ANKFY1: variants seen among roughly 807,000 people sequenced by gnomAD.
The protein encoded by ANKFY1 is ankyrin repeat and FYVE domain-containing protein 1.
A neutral mutation model predicts 128.3 loss-of-function variants in ANKFY1; 47 were observed. The observed-to-expected ratio is 0.37, with a 90% CI of 0.29 to 0.47. The LOEUF (loss-of-function observed/expected upper bound fraction) is 0.47. Ranked by LOEUF, ANKFY1 falls within the 20% of genes least tolerant of loss-of-function variation. ANKFY1 has a pLI of 1.00. For missense variants in ANKFY1, 1,222 were observed against 1,510.6 expected, an observed-to-expected ratio of 0.81 and a Z score of 3.17; for synonymous variants, 553 against 601.6, an observed-to-expected ratio of 0.92 and a Z score of 1.18.
chr17:4,261,283 G>A (rs1050869416), intron 1 of ANKFY1, among the ~76,000 whole-genome samples: 55 of 152,366 alleles, frequency 3.6e-4, no homozygotes, highest in African/African-American at 1.3e-3. Flanking sequence ...GAGGTTGGGA[G>A]TTCAAGACCA....
intron 8 of ANKFY1, among the ~76,000 whole-genome samples, chr17:4,196,144 T>C (rs1220651880): frequency 1.2e-5 from 1 of 83,914 alleles, no homozygotes; most frequent in African/African-American, 5.1e-5. Context: ...CTGCATCTAC[T>C]ACACACACAC....
rs1032720489 is a variant in ANKFY1, at chr17:4,173,270, G to C, written c.3014+84C>G. The C allele has an allele frequency of 3.0e-6, 4 of 1,353,422 alleles. No homozygotes were observed. The African/African-American group carries it at 5.8e-5, about 20-fold the overall frequency. The allele number at this position is 1,353,422 out of a possible 1,614,324, so 83.8% of individuals were successfully genotyped here. ...GCGGCCGGTTTTGCAGCTCCTCCCT[G>C]GGGCTGATGGGAGGCACCAGCAACC... On this transcript the variant is annotated intron_variant, in intron 21 of 24. Transcript: ENST00000341657.
intron 19 of ANKFY1, 87 bp from the exon 20 acceptor site, chr17:4,174,143 AC>A (rs2059372954): frequency 2.7e-6 from 4 of 1,495,782 alleles, no homozygotes; most frequent in Middle Eastern, 2.3e-4. Context: ...GTCTTCTGAC[AC>A]CCACAGAGGC....
At chr17:4,189,909 A>G (rs1049970688) in intron 10 of ANKFY1, among the ~76,000 whole-genome samples, 5 of 152,222 alleles carry the variant, frequency 3.3e-5, no homozygotes, top group Non-Finnish European at 7.3e-5. Flanking sequence ...CTGTGTGTGG[A>G]CACAGAGGCT....
intron 5 of ANKFY1, among the ~76,000 whole-genome samples, chr17:4,209,059 C>CA (rs60135844): frequency 0.014 from 2,000 of 147,378 alleles, 50 homozygotes; most frequent in African/African-American, 0.047. Flanking sequence ...AACTCAGTCT[C>CA]AAAAAAAAAA....
At chr17:4,176,535 C>T (rs2059414393) in intron 19 of ANKFY1, among the ~76,000 whole-genome samples, 1 of 152,208 alleles carries the variant, frequency 6.6e-6, no homozygotes, top group Admixed American at 6.5e-5. Flanking sequence ...GCCCCTCTAA[C>T]CACAGCTCTT....
rs558520617 is a variant in ANKFY1, at chr17:4,178,611, C to T, written c.2598+246G>A. ...AACTGTACATGCCACAGAATTCCTA[C>T]GATGGAGCCCACTGCCTCCGCTTCC... is the stretch of plus-strand genomic sequence containing the variant. On this transcript the variant is annotated intron_variant, in intron 18 of 24. Transcript: ENST00000341657. This position sits in a 1 kb window ranked among gnomAD's most constrained non-coding sequence, Gnocchi z 4.1. The T allele has an allele frequency of 4.5e-5, 25 of 554,342 alleles. No individual in the cohort carries two copies. The highest frequency in any genetic ancestry group is 4.9e-4 in the Middle Eastern group (1 of 2,042). 34.3% of individuals were successfully genotyped at this position (554,342 alleles called of 1,614,324 possible).
intron 2 of ANKFY1, among the ~76,000 whole-genome samples, chr17:4,240,990 C>T (rs1369703090): frequency 6.6e-6 from 1 of 152,136 alleles, no homozygotes; most frequent in Non-Finnish European, 1.5e-5. Context: ...TAACATCTAC[C>T]TCAAAACTCA....
At chr17:4,242,064 G>A (rs1967261102) in intron 2 of ANKFY1, among the ~76,000 whole-genome samples, 192 bp downstream of exon 2, 1 of 144,500 alleles carries the variant, frequency 6.9e-6, no homozygotes, top group African/African-American at 2.5e-5. Flanking sequence ...ACTCCAGCCT[G>A]GGTAACAGAG....
intron 3 of ANKFY1, among the ~76,000 whole-genome samples, chr17:4,225,181 A>T (rs955301767): frequency 3.3e-5 from 5 of 151,996 alleles, no homozygotes; most frequent in Non-Finnish European, 5.9e-5. Flanking sequence ...TTATGGCAAA[A>T]CCCCCTCTCT....
intron 1 of ANKFY1, among the ~76,000 whole-genome samples, chr17:4,256,255 C>A (rs571702313): frequency 1.3e-5 from 2 of 152,036 alleles, no homozygotes; most frequent in African/African-American, 2.4e-5. Context: ...AGTGAAACCC[C>A]GTCTCTATTA....
intron 1 of ANKFY1, among the ~76,000 whole-genome samples, chr17:4,259,963 G>C (rs1213491815): frequency 6.6e-6 from 1 of 152,214 alleles, no homozygotes. Context: ...CCAGGCCAAG[G>C]AAACTGCAGG....
Position 4,182,166 on chromosome 17 carries a change from T to C in ANKFY1, c.2121+15A>G. ...CCCCATCTGTAAACAGAGGCTAACGTTGTGCCTGTCTCACCAGAGTGGATG... is the reference window on the plus strand; with the variant it reads ...CCCCATCTGTAAACAGAGGCTAACGCTGTGCCTGTCTCACCAGAGTGGATG... On this transcript the variant is annotated intron_variant, in intron 15 of 24. Coordinates refer to ENST00000341657, the MANE Select transcript of ANKFY1 (RefSeq NM_001330063.2). 1 of 1,479,142 alleles carries C rather than the reference T, an allele frequency of 6.8e-7. No individual in the cohort carries two copies. Among genetic ancestry groups the C allele is most frequent in the Non-Finnish European group, 9.1e-7 (1 of 1,099,504 alleles). The allele number at this position is 1,479,142 out of a possible 1,614,324, so 91.6% of individuals were successfully genotyped here. A position where few individuals can be genotyped will look rare whatever the true frequency, so the allele number is the denominator to read the frequency against.
Position 4,181,363 on chromosome 17 carries a change from C to A in ANKFY1, c.2131G>T (p.Gly711Cys). The A allele has an allele frequency of 1.9e-6, 3 of 1,613,538 alleles. No individual in the cohort carries two copies. Among genetic ancestry groups the A allele is most frequent in the Non-Finnish European group, 2.5e-6 (3 of 1,179,442 alleles). The change falls in exon 16 of 25, where the codon GGC becomes TGC. Residue 711 changes from glycine to cysteine, a missense_variant. Transcript: ENST00000341657. The surrounding 1 kb of genome is among the most constrained non-coding windows in gnomAD (Gnocchi z 4.9). ...GGACCCCAGCATGTGGCATCACAGC[C>A]ATGTCTGACCTGCAGAAAAACATAG... ...EDIASTLVRH[G>C]CDATCWGPGP...
intron 6 of ANKFY1, among the ~76,000 whole-genome samples, chr17:4,207,134 A>ATCTAACCACAGAGGGCCCGACCCG (rs1567943793): frequency 5.9e-5 from 9 of 151,926 alleles, no homozygotes; most frequent in Admixed American, 1.3e-4. Context: ...GGCCCGACCC[A>ATCTAACCACAGAGGGCCCGACCCG]TCTAACCACA....
chr17:4,165,479 G>T lies in ANKFY1; in HGVS notation c.*2300C>A, dbSNP rs1202689271. On this transcript the variant is annotated 3_prime_UTR_variant, in exon 25 of 25. Coordinates refer to ENST00000341657, the MANE Select transcript of ANKFY1 (RefSeq NM_001330063.2). Reference sequence around the variant, plus strand: ...TGGAAGCATGCCTAGTCCCAGCCAGGGCAGGGCATGTTGGAGTCAGCTCCC... The same window carrying T: ...TGGAAGCATGCCTAGTCCCAGCCAGTGCAGGGCATGTTGGAGTCAGCTCCC... 6.6e-6 allele frequency: 1 copy of T among 152,234 alleles called. No homozygotes were observed. The highest frequency in any genetic ancestry group is 1.5e-5 in the Non-Finnish European group (1 of 68,044). 9.4% of individuals were successfully genotyped at this position (152,234 alleles called of 1,614,324 possible).
chr17:4,252,293 G>A (rs561218635), intron 1 of ANKFY1, among the ~76,000 whole-genome samples: 5 of 152,278 alleles, frequency 3.3e-5, no homozygotes, highest in Admixed American at 6.5e-5. Context: ...TAGGCCAAGC[G>A]CAGTGGTTCA....
intron 3 of ANKFY1, among the ~76,000 whole-genome samples, chr17:4,231,480 C>A (rs1476303210): frequency 6.6e-6 from 1 of 151,664 alleles, no homozygotes; most frequent in Non-Finnish European, 1.5e-5. Context: ...CACAGTGAGA[C>A]CCTATCTCAA....
intron 11 of ANKFY1, chr17:4,188,853 CA>C (rs1224676542): frequency 9.1e-6 from 1 of 110,238 alleles, no homozygotes; most frequent in African/African-American, 3.4e-5. Flanking sequence ...GCAACAAGAG[CA>C]AAACTGTGTC....
Sources: gnomAD v4.1 joint callset for allele counts (sites outside exome capture counted in the v4.1 genomes callset) on GRCh38, gnomAD v4.1.1 for gene constraint, Gnocchi (gnomAD v3.1) non-coding constraint, MANE v1.5 for transcripts, NCBI Gene and HGNC (gene_info 2026-07-23, HGNC 2026-07-21) for gene names.